The following GOLGB1 variants were observed in gnomAD, a reference collection of about 807,000 sequenced individuals.
GOLGB1 encodes golgin subfamily B member 1.
In GOLGB1, 174 loss-of-function variants were observed where a neutral mutation model predicts 336.9. That is an observed-to-expected ratio of 0.52 (90% confidence interval 0.46 to 0.59). The LOEUF (loss-of-function observed/expected upper bound fraction) is 0.59, where lower values mean the gene tolerates loss of function less well. Among genes scored for constraint, GOLGB1 ranks in the 20% least tolerant of loss-of-function variants. GOLGB1 has a pLI of 0.00. For synonymous variants in GOLGB1, 1,208 were observed against 1,289.2 expected (o/e 0.94, Z 1.35); for missense variants, 3,331 against 3,645.3 (o/e 0.91, Z 2.22).
At position 121,667,578 on chromosome 3, in the gene GOLGB1, G is replaced by T. The variant is rs199705671; in HGVS notation, c.9452C>A (p.Thr3151Asn). ...CCTTAATTCATTCACTTCCTGTCTGGTGTTGCATAGCTGCTGCTGAGCTTC... is the reference window on the plus strand; with the variant it reads ...CCTTAATTCATTCACTTCCTGTCTGTTGTTGCATAGCTGCTGCTGAGCTTC... ...FSEAQQQLCN[T>N]RQEVNELRKL... Residue 3151 changes from threonine to asparagine, a missense_variant, in exon 20 of 22, where the codon ACC becomes AAC. By Grantham distance (65) the Thr-to-Asn change is moderately conservative. Transcript: ENST00000614479. 1 of 1,613,794 alleles carries T rather than the reference G, an allele frequency of 6.2e-7. No homozygotes were observed. The highest frequency in any genetic ancestry group is 8.5e-7 in the Non-Finnish European group (1 of 1,179,724).
intron 1 of GOLGB1, among the ~76,000 whole-genome samples, chr3:121,741,973 T>C (rs979874902): frequency 2.0e-5 from 3 of 151,998 alleles, no homozygotes; most frequent in African/African-American, 2.4e-5. Context: ...AGGACACAGG[T>C]TCCCATTGGC....
chr3:121,670,449 C>A (rs966725901), intron 17 of GOLGB1, among the ~76,000 whole-genome samples: 11 of 152,158 alleles, frequency 7.2e-5, no homozygotes, highest in Non-Finnish European at 1.5e-4. Flanking sequence ...AAAATTAGAA[C>A]AAGATAATCC....
At chr3:121,745,641 G>A (rs796312221) in intron 1 of GOLGB1, among the ~76,000 whole-genome samples, 10 of 152,232 alleles carry the variant, frequency 6.6e-5, no homozygotes, top group African/African-American at 2.2e-4. Flanking sequence ...TAAGGAATAT[G>A]TATGACTGTT....
intron 17 of GOLGB1, among the ~76,000 whole-genome samples, chr3:121,671,933 A>G (rs1166749663): frequency 6.6e-6 from 1 of 152,062 alleles, no homozygotes; most frequent in Non-Finnish European, 1.5e-5. Context: ...ACTTAACATA[A>G]TGTCCTCCAG....
intron 1 of GOLGB1, among the ~76,000 whole-genome samples, chr3:121,736,284 A>C (rs1946460022): frequency 6.6e-6 from 1 of 152,222 alleles, no homozygotes; most frequent in African/African-American, 2.4e-5. Flanking sequence ...AGAATATGAA[A>C]AAAGAAAAAC....
chr3:121,698,763 C>T lies in GOLGB1; in HGVS notation c.1760G>A (p.Gly587Glu). ...EIAFLKLQLQ[G>E]KRAEEADHEV... is the part of the protein sequence containing the mutation. ...ATGATCTGCTTCCTCAGCCCTTTTT[C>T]CCTGGAGCTGTAATTTAAGAAATGC... The change falls in exon 13 of 22, where the codon GGA becomes GAA. Residue 587 changes from glycine to glutamate, a missense_variant. By Grantham distance (98) the Gly-to-Glu change is moderately conservative. Coordinates refer to ENST00000614479, the MANE Select transcript of GOLGB1 (RefSeq NM_001366282.2). The T allele has an allele frequency of 6.2e-7, 1 of 1,613,532 alleles. No individual in the cohort carries two copies. Among genetic ancestry groups the T allele is most frequent in the Non-Finnish European group, 8.5e-7 (1 of 1,179,672 alleles).
chr3:121,664,341 T>C lies in GOLGB1; in HGVS notation c.*139A>G. 1.3e-6 allele frequency: 1 copy of C among 784,752 alleles called. No homozygotes were observed. 48.6% of individuals were successfully genotyped at this position (784,752 alleles called of 1,614,324 possible). The stretch of plus-strand genomic sequence containing the variant: ...AACCTGTCCTCGTATCCACCTCTGT[T>C]TTTGCAGGCACTTTCCGTGAAGAGT... On this transcript the variant is annotated 3_prime_UTR_variant, in exon 22 of 22. Transcript: ENST00000614479.
In GOLGB1 at chr3:121,722,170, T is replaced by A. The variant is rs1199748936; in HGVS notation, c.648+92A>T. The stretch of plus-strand genomic sequence containing the variant: ...CCCATGCTACTATACTTTTATCTAC[T>A]AGGATTTTTTAAAGTGACTCACTGA... On this transcript the variant is annotated intron_variant, in intron 6 of 21. Transcript: ENST00000614479. 1.1e-5 allele frequency: 8 copies of A among 735,168 alleles called. No homozygotes were observed. The Admixed American group carries it at 1.7e-4, about 16-fold the overall frequency. The allele number at this position is 735,168 out of a possible 1,614,324, so 45.5% of individuals were successfully genotyped here. A position where few individuals can be genotyped will look rare whatever the true frequency, so the allele number is the denominator to read the frequency against.
chr3:121,695,859 T>G lies in GOLGB1; in HGVS notation c.4664A>C (p.Lys1555Thr). Residue 1555 changes from lysine to threonine, a missense_variant, in exon 13 of 22, where the codon AAA (lysine) becomes ACA (threonine). Physicochemically the swap from Lys to Thr is moderately conservative, Grantham distance 78. Coordinates refer to ENST00000614479, the MANE Select transcript of GOLGB1 (RefSeq NM_001366282.2). ...RLALLQEERD[K>T]LITEMDRSLL... ...AGACCTGTCCATTTCTGTAATGAGT[T>G]TGTCTCTTTCTTCTTGAAGAAGAGC... 1 of 1,613,980 alleles carries G rather than the reference T, an allele frequency of 6.2e-7. No individual in the cohort carries two copies. The highest frequency in any genetic ancestry group is 1.3e-5 in the African/African-American group (1 of 75,066).
At position 121,695,353 on chromosome 3, in the gene GOLGB1, A is replaced by G; in HGVS notation, c.5170T>C (p.Ser1724Pro). The G allele has an allele frequency of 8.7e-6, 14 of 1,614,026 alleles. No homozygotes were observed. Among genetic ancestry groups the G allele is most frequent in the Non-Finnish European group, 1.1e-5 (13 of 1,179,942 alleles). ...TAKECMETLL[S>P]SNASMKEELE... ...TCTTCCTTCATGCTGGCATTGGAAG[A>G]AAGAAGTGTTTCCATACACTCTTTA... The change falls in exon 13 of 22, where the codon TCT becomes CCT. Residue 1724 changes from serine to proline, a missense_variant. Transcript: ENST00000614479.
intron 6 of GOLGB1, 34 bp downstream of exon 6, chr3:121,722,228 A>G (rs1463359935): frequency 1.7e-6 from 2 of 1,208,948 alleles, no homozygotes; most frequent in African/African-American, 1.5e-5. Flanking sequence ...ACTGGACTTC[A>G]TAGCTCTTTA....
At chr3:121,683,787 T>A (rs1436682427) in intron 14 of GOLGB1, among the ~76,000 whole-genome samples, 3 of 152,126 alleles carry the variant, frequency 2.0e-5, no homozygotes, top group Non-Finnish European at 4.4e-5. Flanking sequence ...AAACTCATTA[T>A]AAGAAAACGT....
chr3:121,704,768 C>A, intron 10 of GOLGB1, among the ~76,000 whole-genome samples: 1 of 102,122 alleles, frequency 9.8e-6, no homozygotes, highest in African/African-American at 3.9e-5. Flanking sequence ...AAGAGTGAAA[C>A]TCCATCTCAA....
rs555643889 is a variant in GOLGB1 at position 121,694,620 on chromosome 3, T to A, written c.5903A>T (p.Lys1968Met). 3.1e-6 allele frequency: 5 copies of A among 1,611,988 alleles called. No individual in the cohort carries two copies. The African/African-American group carries it at 6.7e-5, about 21-fold the overall frequency. Residue 1968 changes from lysine to methionine, a missense_variant, in exon 13 of 22, where the codon AAG becomes ATG. Lys to Met is a moderately conservative substitution (Grantham distance 95, BLOSUM62 -1). Transcript: ENST00000614479. ...TTCTTCTTCCAATTCACTCACACACTTTTTAAGGTTCTTCATTTCAGATTC... is the reference window on the plus strand; with the variant it reads ...TTCTTCTTCCAATTCACTCACACACATTTTAAGGTTCTTCATTTCAGATTC... Reference protein sequence around the residue: ...LLESEMKNLKKCVSELEEEKQ... With the variant: ...LLESEMKNLKMCVSELEEEKQ...
rs201705247 is a variant in GOLGB1, at chr3:121,696,591, T to C, written c.3932A>G (p.Gln1311Arg). Residue 1311 changes from glutamine (Q) to arginine (R), a missense_variant, in exon 13 of 22, where the codon CAG becomes CGG. Physicochemically the swap from Gln to Arg is conservative, Grantham distance 43. Coordinates refer to ENST00000614479, the MANE Select transcript of GOLGB1 (RefSeq NM_001366282.2). ...TATTTCCTTCAGCTGGGCCTTAATC[T>C]GGGCAACAGAAGTTCCGCCCTGCAG... ...SALQGGTSVA[Q>R]IKAQLKEIEA... 3.5e-5 allele frequency: 56 copies of C among 1,614,064 alleles called. No homozygotes were observed. Among genetic ancestry groups the C allele is most frequent in the Non-Finnish European group, 4.7e-5 (56 of 1,180,024 alleles).
intron 14 of GOLGB1, among the ~76,000 whole-genome samples, chr3:121,686,751 A>C (rs1323229490): frequency 1.3e-5 from 2 of 152,238 alleles, no homozygotes; most frequent in African/African-American, 4.8e-5. Flanking sequence ...ACAATCAGGC[A>C]ATCACGAAAT....
At position 121,722,254 on chromosome 3, in the gene GOLGB1, G is replaced by A; in HGVS notation, c.648+8C>T. 6.6e-7 allele frequency: 1 copy of A among 1,506,000 alleles called. No homozygotes were observed. The highest frequency in any genetic ancestry group is 1.1e-5 in the South Asian group (1 of 88,710). The allele number at this position is 1,506,000 out of a possible 1,614,324, so 93.3% of individuals were successfully genotyped here. A position where few individuals can be genotyped will look rare whatever the true frequency, so the allele number is the denominator to read the frequency against. On this transcript the variant is annotated splice_region_variant and intron_variant, in intron 6 of 21. Transcript: ENST00000614479. ...TAGCTCTTTATCCTAATTTTGTGAGGTCCCTACCTGTGCAGCTTGCTCTGC... is the reference window on the plus strand; with the variant it reads ...TAGCTCTTTATCCTAATTTTGTGAGATCCCTACCTGTGCAGCTTGCTCTGC...
In GOLGB1 at chr3:121,690,886, G is replaced by A. The variant is rs775167155; in HGVS notation, c.8478C>T (p.Ser2826=). 13 of 1,614,032 alleles carry A rather than the reference G, an allele frequency of 8.1e-6. No individual in the cohort carries two copies. The highest frequency in any genetic ancestry group is 1.1e-5 in the Non-Finnish European group (13 of 1,179,986). ...GGTTATAAGAATCTTCTAGTTGTGA[G>A]GACAAGTGAAGCAATTGCTCATCTT... ...LSKDEQLLHL[S]SQLEDSYNQV... The change falls in exon 14 of 22, where the codon TCC becomes TCT. Residue 2826 remains serine (S), a synonymous_variant. Coordinates refer to ENST00000614479, the MANE Select transcript of GOLGB1 (RefSeq NM_001366282.2).
intron 14 of GOLGB1, among the ~76,000 whole-genome samples, chr3:121,687,195 G>A (rs1941843250): frequency 6.6e-6 from 1 of 152,162 alleles, no homozygotes; most frequent in Non-Finnish European, 1.5e-5. Flanking sequence ...CTGGGAGGCG[G>A]AGGTTGCAGT....
Sources: gnomAD v4.1 joint callset for allele counts (sites outside exome capture counted in the v4.1 genomes callset) on GRCh38, gnomAD v4.1.1 for gene constraint, MANE v1.5 for transcripts, NCBI Gene and HGNC (gene_info 2026-07-23, HGNC 2026-07-21) for gene names.